PDLIM3: variants seen among roughly 807,000 people sequenced by gnomAD.
The protein encoded by PDLIM3 is PDZ and LIM domain 3.
PDLIM3 carries 36 observed loss-of-function variants against 37.3 expected under a neutral mutation model. The ratio of observed to expected loss-of-function variants is 0.97; its 90% CI spans 0.74 to 1.28. The LOEUF (loss-of-function observed/expected upper bound fraction) is 1.28. PDLIM3 is among the 50% of genes most tolerant of loss of function. The pLI is 0.00. For missense variants in PDLIM3, 454 were observed against 485.0 expected, an observed-to-expected ratio of 0.94 and a Z score of 0.60; for synonymous variants, 174 against 182.4, an observed-to-expected ratio of 0.95 and a Z score of 0.37.
intron 1 of PDLIM3, 87 bp from the exon 2 acceptor site, chr4:185,525,258 C>T: frequency 7.6e-7 from 1 of 1,320,112 alleles, no homozygotes; most frequent in Non-Finnish European, 1.1e-6. Flanking sequence ...AGCCTGGTAA[C>T]ATTTTAAATG....
rs142140393 is a variant in PDLIM3, at chr4:185,529,323, G to GA, written c.94-4153dup. Among the ~76,000 whole-genome samples the GA allele has an allele frequency of 8.2e-3, 1,247 of 151,910 alleles. 30 individuals carry two copies. The highest frequency in any genetic ancestry group is 0.029 in the African/African-American group (1,197 of 41,428). ...ACTTATATTACTTGGATCTGTTGGG[G>GA]AAAAAAAAGCTAACTGAAAACACAG... On this transcript the variant is annotated intron_variant, in intron 1 of 7. Transcript: ENST00000284767.
chr4:185,526,490 A>G (rs372877113), intron 1 of PDLIM3, among the ~76,000 whole-genome samples: 35 of 152,242 alleles, frequency 2.3e-4, no homozygotes, highest in African/African-American at 8.2e-4. Context: ...AATACAGAAT[A>G]TGGGAAAAAT....
At chr4:185,506,322 G>GC (rs2095697027) in intron 6 of PDLIM3, among the ~76,000 whole-genome samples, 200 bp downstream of exon 6, 1 of 152,122 alleles carries the variant, frequency 6.6e-6, no homozygotes, top group Non-Finnish European at 1.5e-5. Context: ...TTCACTTGGT[G>GC]GCTACTTGGA....
intron 1 of PDLIM3, among the ~76,000 whole-genome samples, chr4:185,532,036 T>C (rs2153339778): frequency 6.6e-6 from 1 of 151,964 alleles, no homozygotes; most frequent in South Asian, 2.1e-4. Flanking sequence ...AGGCAGAGGT[T>C]GCAGTGAGGC....
chr4:185,531,297 C>T (rs2095744101), intron 1 of PDLIM3, among the ~76,000 whole-genome samples: 1 of 106,612 alleles, frequency 9.4e-6, no homozygotes, highest in East Asian at 2.8e-4. Context: ...CGGTGTTTAA[C>T]AACTCCCTCC....
At position 185,501,163 on chromosome 4, in the gene PDLIM3, C is replaced by CAG. The variant is rs1433323380; in HGVS notation, c.*1129_*1130dup. The CAG allele has an allele frequency of 6.6e-6, 1 of 152,272 alleles. No homozygotes were observed. The highest frequency in any genetic ancestry group is 1.5e-5 in the Non-Finnish European group (1 of 68,110). The allele number at this position is 152,272 out of a possible 1,614,324, so 9.4% of individuals were successfully genotyped here. A position where few individuals can be genotyped will look rare whatever the true frequency, so the allele number is the denominator to read the frequency against. The stretch of plus-strand genomic sequence containing the variant: ...GTAGGCTGCCTGCGCCAGGGCCAGG[C>CAG]AGAGTGCATGTCTCAGACAGAGGAT... On this transcript the variant is annotated 3_prime_UTR_variant, in exon 8 of 8. Transcript: ENST00000284767.
chr4:185,506,887 G>A (rs1474435976), intron 5 of PDLIM3: 6 of 478,960 alleles, frequency 1.3e-5, no homozygotes, highest in African/African-American at 9.7e-5. Context: ...TCCTCCACTT[G>A]GCAAAATACT....
In PDLIM3 at chr4:185,522,633, A is replaced by C. The variant is rs2095724607; in HGVS notation, c.330+729T>G. On this transcript the variant is annotated intron_variant, in intron 3 of 7. Transcript: ENST00000284767. ...GTAAATTCATGTATCTGTATCTCTA[A>C]ACCTTTAGAGCTTCTATGTAGAGGT... Among the ~76,000 whole-genome samples the C allele has an allele frequency of 3.0e-5, 2 of 66,866 alleles. 1 individual carries two copies. The highest frequency in any genetic ancestry group is 1.2e-4 in the Non-Finnish European group (2 of 16,180). The allele number at this position is 66,866 out of a possible 152,430, so 43.9% of individuals were successfully genotyped here. A position where few individuals can be genotyped will look rare whatever the true frequency, so the allele number is the denominator to read the frequency against.
Position 185,514,133 on chromosome 4 carries a change from G to A in PDLIM3, c.398+137C>T. ...CTTCTGTTCTCTGCCAAGTGAGTTT[G>A]TTTCTTTTTGCTTTTGAAATAAGCT... On this transcript the variant is annotated intron_variant, in intron 4 of 7. Transcript: ENST00000284767. This position sits in a 1 kb window ranked among gnomAD's most constrained non-coding sequence, Gnocchi z 4.0. 1 of 1,556,168 alleles carries A rather than the reference G, an allele frequency of 6.4e-7. No homozygotes were observed. The highest frequency in any genetic ancestry group is 8.7e-7 in the Non-Finnish European group (1 of 1,150,402).
intron 1 of PDLIM3, among the ~76,000 whole-genome samples, chr4:185,527,883 C>G (rs180909636): frequency 1.3e-5 from 2 of 151,854 alleles, no homozygotes; most frequent in Non-Finnish European, 2.9e-5. Flanking sequence ...GACCCTGTCT[C>G]TACAAAAAAA....
chr4:185,526,259 T>C (rs1343481191), intron 1 of PDLIM3, among the ~76,000 whole-genome samples: 2 of 152,346 alleles, frequency 1.3e-5, no homozygotes, highest in South Asian at 2.1e-4. Context: ...CAAAGGAAGT[T>C]TGTATTCACT....
intron 4 of PDLIM3, among the ~76,000 whole-genome samples, chr4:185,510,340 C>T (rs1250955539): frequency 1.3e-5 from 2 of 152,168 alleles, no homozygotes; most frequent in South Asian, 2.1e-4. Context: ...AGTGCCCGTA[C>T]TGGGTAGATA....
At chr4:185,523,272 A>G in intron 3 of PDLIM3, 90 bp downstream of exon 3, 2 of 868,304 alleles carry the variant, frequency 2.3e-6, no homozygotes, top group East Asian at 5.0e-5. Flanking sequence ...GCTTGTTCCA[A>G]TTTTTCTATT....
intron 3 of PDLIM3, among the ~76,000 whole-genome samples, chr4:185,521,022 T>C (rs2095722864): frequency 1.5e-5 from 1 of 66,058 alleles, no homozygotes; most frequent in African/African-American, 2.8e-5. Flanking sequence ...GGTCAATAAG[T>C]GCATGTCTAT....
At position 185,514,160 on chromosome 4, in the gene PDLIM3, C is replaced by T. The variant is rs1378522755; in HGVS notation, c.398+110G>A. On this transcript the variant is annotated intron_variant, in intron 4 of 7. Transcript: ENST00000284767. The surrounding 1 kb of genome is among the most constrained non-coding windows in gnomAD (Gnocchi z 4.0). The stretch of plus-strand genomic sequence containing the variant: ...TTCTTTTTGCTTTTGAAATAAGCTT[C>T]GCAATGAGAAAAGCCACTCCAAACA... 10 of 1,598,258 alleles carry T rather than the reference C, an allele frequency of 6.3e-6. No homozygotes were observed. The highest frequency in any genetic ancestry group is 3.4e-5 in the South Asian group (3 of 89,264).
intron 6 of PDLIM3, among the ~76,000 whole-genome samples, chr4:185,505,594 T>A (rs1299035319): frequency 6.7e-6 from 1 of 150,190 alleles, no homozygotes; most frequent in Non-Finnish European, 1.5e-5. Context: ...CACTCTAGCC[T>A]GGGCAACAGA....
intron 4 of PDLIM3, chr4:185,513,285 T>A (rs1319473957): frequency 6.1e-6 from 6 of 985,130 alleles, no homozygotes; most frequent in South Asian, 9.4e-5. Context: ...TGGCATATTT[T>A]GAGACAATCA....
intron 1 of PDLIM3, among the ~76,000 whole-genome samples, chr4:185,533,601 G>A (rs1415928134): frequency 6.6e-6 from 1 of 152,118 alleles, no homozygotes; most frequent in Non-Finnish European, 1.5e-5. Flanking sequence ...TGTCAAAAAT[G>A]AGTGATACAA....
chr4:185,535,302 G>A (rs570702744), intron 1 of PDLIM3, 40 bp downstream of exon 1: 117 of 1,545,240 alleles, frequency 7.6e-5, no homozygotes, highest in Non-Finnish European at 1.0e-4. Flanking sequence ...CGCCGCCGGA[G>A]TCCCCACCTC....
Sources: allele counts gnomAD v4.1 joint callset (sites outside exome capture counted in the v4.1 genomes callset), GRCh38; gene constraint gnomAD v4.1.1; non-coding constraint Gnocchi (gnomAD v3.1); transcripts MANE v1.5; gene names NCBI Gene and HGNC (gene_info 2026-07-23, HGNC 2026-07-21).